Variants in GASK1B observed in about 807,000 individuals in gnomAD.
GASK1B encodes Golgi-associated kinase 1B.
Under a neutral mutation model 42.8 loss-of-function variants are expected in GASK1B, and 34 were observed. That is an observed-to-expected ratio of 0.79 (90% confidence interval 0.60 to 1.06). The LOEUF (loss-of-function observed/expected upper bound fraction) is 1.06. Ranked by LOEUF, GASK1B falls within the 50% of genes least tolerant of loss-of-function variation. The pLI is 0.00. For synonymous variants in GASK1B, 262 were observed against 259.1 expected (o/e 1.01, Z -0.11); for missense variants, 686 against 661.0 (o/e 1.04, Z -0.42).
intron 3 of GASK1B, among the ~76,000 whole-genome samples, chr4:158,150,860 C>T (rs992012446): frequency 3.9e-5 from 6 of 152,200 alleles, no homozygotes; most frequent in African/African-American, 1.4e-4. Context: ...CAGTTCAGTC[C>T]TTGCTGGTGT....
chr4:158,149,068 A>G (rs763588194), intron 3 of GASK1B, among the ~76,000 whole-genome samples: 1 of 152,172 alleles, frequency 6.6e-6, no homozygotes, highest in Non-Finnish European at 1.5e-5. Flanking sequence ...TGTTATAAGA[A>G]CAGTACCAAT....
Position 158,171,126 on chromosome 4 carries a change from T to C in GASK1B, c.250A>G (p.Ile84Val). 1 of 1,608,668 alleles carries C rather than the reference T, an allele frequency of 6.2e-7. No homozygotes were observed. Among genetic ancestry groups the C allele is most frequent in the South Asian group, 1.1e-5 (1 of 90,728 alleles). Residue 84 changes from isoleucine to valine, a missense_variant, in exon 2 of 5, where the codon ATA becomes GTA. Coordinates refer to ENST00000585682, the MANE Select transcript of GASK1B (RefSeq NM_001128424.2). ...RDTAEPSFPE[I>V]PLDGTLAPPE... Reference sequence around the variant, plus strand: ...GGGGCCAGGGTACCATCCAGGGGTATCTCAGGGAAGGATGGCTCGGCGGTG... The same window carrying C: ...GGGGCCAGGGTACCATCCAGGGGTACCTCAGGGAAGGATGGCTCGGCGGTG...
Position 158,130,977 on chromosome 4 carries a change from G to A in GASK1B, c.1161C>T (p.Phe387=). Residue 387 remains phenylalanine (F), a synonymous_variant, in exon 4 of 5, where the codon TTC becomes TTT. Transcript: ENST00000585682. The part of the protein sequence containing the change: ...YNRLDTNCCG[F]RPRKEDACVQ... The stretch of plus-strand genomic sequence containing the variant: ...CACAGGCATCTTCCTTGCGAGGTCT[G>A]AATCCACAGCAATTTGTATCTAAGC... The A allele has an allele frequency of 1.9e-6, 3 of 1,613,980 alleles. No homozygotes were observed. The highest frequency in any genetic ancestry group is 2.2e-5 in the South Asian group (2 of 91,060).
At chr4:158,140,598 G>A (rs1183039495) in intron 3 of GASK1B, among the ~76,000 whole-genome samples, 2 of 152,148 alleles carry the variant, frequency 1.3e-5, no homozygotes, top group Non-Finnish European at 2.9e-5. Flanking sequence ...CTTACTCAGA[G>A]GCTCAGTGCT....
In GASK1B at chr4:158,155,693, C is replaced by A. The variant is rs772473242; in HGVS notation, c.1043G>T (p.Arg348Leu). Reference protein sequence around the residue: ...LLKQKCWQNGRVPKPESGCTE... With the variant: ...LLKQKCWQNGLVPKPESGCTE... Reference sequence around the variant, plus strand: ...ACAACCCGATTCAGGCTTGGGTACTCGGCCATTCTGCCAGCATTTCTGTTT... The same window carrying A: ...ACAACCCGATTCAGGCTTGGGTACTAGGCCATTCTGCCAGCATTTCTGTTT... Residue 348 changes from arginine to leucine, a missense_variant, in exon 3 of 5, where the codon CGA (arginine) becomes CTA (leucine). Arg to Leu is a moderately radical substitution (Grantham distance 102, BLOSUM62 -2). Coordinates refer to ENST00000585682, the MANE Select transcript of GASK1B (RefSeq NM_001128424.2). The A allele has an allele frequency of 1.2e-6, 2 of 1,613,852 alleles. No homozygotes were observed. The highest frequency in any genetic ancestry group is 2.2e-5 in the South Asian group (2 of 91,070).
Position 158,170,866 on chromosome 4 carries a change from T to A in GASK1B, c.510A>T (p.Ala170=), listed in dbSNP as rs1325450563. The part of the protein sequence containing the change: ...DAVAPGYAQG[A]NLVKIGERPW... ...GTCGCTCTCCAATCTTAACCAGGTT[T>A]GCTCCCTGAGCGTACCCAGGTGCTA... Residue 170 remains alanine (A), a synonymous_variant, in exon 2 of 5, where the codon GCA becomes GCT. Coordinates refer to ENST00000585682, the MANE Select transcript of GASK1B (RefSeq NM_001128424.2). 1 of 1,614,120 alleles carries A rather than the reference T, an allele frequency of 6.2e-7. No individual in the cohort carries two copies. The highest frequency in any genetic ancestry group is 8.5e-7 in the Non-Finnish European group (1 of 1,180,060).
At chr4:158,165,004 A>G (rs1002011424) in intron 2 of GASK1B, among the ~76,000 whole-genome samples, 15 of 152,364 alleles carry the variant, frequency 9.8e-5, no homozygotes, top group African/African-American at 3.4e-4. Context: ...CAGTTTGTCA[A>G]CTAAGCAGCA....
intron 3 of GASK1B, among the ~76,000 whole-genome samples, chr4:158,141,998 G>C (rs1731151543): frequency 8.3e-6 from 1 of 121,034 alleles, no homozygotes; most frequent in Non-Finnish European, 1.7e-5. Flanking sequence ...ACTGCGGACT[G>C]CAGTGGCGCA....
Position 158,126,845 on chromosome 4 carries a change from A to G in GASK1B, c.*562T>C, listed in dbSNP as rs996246087. 1 of 152,202 alleles carries G rather than the reference A, an allele frequency of 6.6e-6. No individual in the cohort carries two copies. The highest frequency in any genetic ancestry group is 2.4e-5 in the African/African-American group (1 of 41,462). 9.4% of individuals were successfully genotyped at this position (152,202 alleles called of 1,614,324 possible). A position where few individuals can be genotyped will look rare whatever the true frequency, so the allele number is the denominator to read the frequency against. ...AGACACAATAGAAAATATACTGGTG[A>G]TTTTGCAAATAAACCAGCATTTCTG... On this transcript the variant is annotated 3_prime_UTR_variant, in exon 5 of 5. Transcript: ENST00000585682.
chr4:158,150,507 A>G (rs1481910614), intron 3 of GASK1B, among the ~76,000 whole-genome samples: 1 of 152,188 alleles, frequency 6.6e-6, no homozygotes, highest in Admixed American at 6.5e-5. Flanking sequence ...CTACTATATC[A>G]TAAGTAATAA....
At chr4:158,172,060 T>TCATATTAA (rs1732569612) in intron 1 of GASK1B, among the ~76,000 whole-genome samples, 1 of 152,190 alleles carries the variant, frequency 6.6e-6, no homozygotes, top group Admixed American at 6.5e-5. Flanking sequence ...AAATTGTACT[T>TCATATTAA]CATATTAATA....
chr4:158,131,133 G>A (rs1730668649), intron 3 of GASK1B, 121 bp from the exon 4 acceptor site: 2 of 771,526 alleles, frequency 2.6e-6, no homozygotes, highest in African/African-American at 3.5e-5. Context: ...AGAGGGCCAG[G>A]CTCATTTAAT....
At chr4:158,149,988 G>A (rs944907362) in intron 3 of GASK1B, among the ~76,000 whole-genome samples, 3 of 127,254 alleles carry the variant, frequency 2.4e-5, no homozygotes, top group African/African-American at 5.8e-5. Flanking sequence ...GCAGTGGCGC[G>A]ATCTCGGCTC....
Position 158,171,470 on chromosome 4 carries a change from C to T in GASK1B, c.-95G>A. 7.2e-7 allele frequency: 1 copy of T among 1,382,968 alleles called. No homozygotes were observed. Among genetic ancestry groups the T allele is most frequent in the Non-Finnish European group, 9.6e-7 (1 of 1,044,506 alleles). 85.7% of individuals were successfully genotyped at this position (1,382,968 alleles called of 1,614,324 possible). A position where few individuals can be genotyped will look rare whatever the true frequency, so the allele number is the denominator to read the frequency against. On this transcript the variant is annotated 5_prime_UTR_variant, in exon 2 of 5. Coordinates refer to ENST00000585682, the MANE Select transcript of GASK1B (RefSeq NM_001128424.2). ...GTTTCCTGACTTCAGCTGCCGCGTCCGCTTCGGGATATAAGTGGTCTCCAG... is the reference window on the plus strand; with the variant it reads ...GTTTCCTGACTTCAGCTGCCGCGTCTGCTTCGGGATATAAGTGGTCTCCAG...
At chr4:158,131,708 G>C (rs914533978) in intron 3 of GASK1B, among the ~76,000 whole-genome samples, 5 of 152,164 alleles carry the variant, frequency 3.3e-5, no homozygotes, top group African/African-American at 1.2e-4. Flanking sequence ...ATTGGGTAAG[G>C]AAAGAAATAA....
intron 4 of GASK1B, 76 bp downstream of exon 4, chr4:158,130,710 G>C: frequency 1.9e-6 from 2 of 1,070,558 alleles, no homozygotes; most frequent in South Asian, 2.9e-5. Context: ...TCAGATGTAA[G>C]ATGTGAGTTT....
intron 3 of GASK1B, among the ~76,000 whole-genome samples, chr4:158,139,410 T>C (rs2110949421): frequency 6.6e-6 from 1 of 152,330 alleles, no homozygotes; most frequent in South Asian, 2.1e-4. Context: ...TGTTTTCCCC[T>C]ACCCATCCTT....
chr4:158,152,463 G>T (rs1047371989), intron 3 of GASK1B, among the ~76,000 whole-genome samples: 1 of 151,826 alleles, frequency 6.6e-6, no homozygotes, highest in Non-Finnish European at 1.5e-5. Context: ...CTATAAGATA[G>T]GGAAAGAAGG....
At chr4:158,127,741 C>T (rs1730518526) in intron 4 of GASK1B, 127 bp from the exon 5 acceptor site, 1 of 783,570 alleles carries the variant, frequency 1.3e-6, no homozygotes, top group African/African-American at 1.8e-5. Context: ...AGAACCAAAA[C>T]ATTTTTGTTA....
Sources: allele counts gnomAD v4.1 joint callset (sites outside exome capture counted in the v4.1 genomes callset), GRCh38; gene constraint gnomAD v4.1.1; transcripts MANE v1.5; gene names NCBI Gene and HGNC (gene_info 2026-07-23, HGNC 2026-07-21).